The following ARSG variants were observed in gnomAD, a reference collection of about 807,000 sequenced individuals.
The protein encoded by ARSG is arylsulfatase G.
ARSG carries 37 observed loss-of-function variants against 50.5 expected under a neutral mutation model. That is an observed-to-expected ratio of 0.73 (90% CI 0.56 to 0.96). The LOEUF (loss-of-function observed/expected upper bound fraction) is 0.96. Among genes scored for constraint, ARSG ranks in the 50% least tolerant of loss-of-function variants. ARSG has a pLI of 0.00. For synonymous variants in ARSG, 225 were observed against 254.6 expected (o/e 0.88, Z 1.11); for missense variants, 629 against 675.3 (o/e 0.93, Z 0.76).
the ARSG span, chr17:68,428,500 C>T: frequency 3.7e-5 from 8 of 217,604 alleles, no homozygotes; most frequent in East Asian, 1.2e-4. Context: ...CCCAAAGTGC[C>T]GGGATTACAG....
chr17:68,263,012 T>C (rs1205160155), intron 1 of ARSG, among the ~76,000 whole-genome samples: 3 of 152,168 alleles, frequency 2.0e-5, no homozygotes, highest in Non-Finnish European at 4.4e-5. Flanking sequence ...AGCGTGCTTG[T>C]TCTTGAGTTG....
intron 1 of ARSG, among the ~76,000 whole-genome samples, chr17:68,295,068 C>G (rs1434592670): frequency 6.6e-5 from 10 of 152,172 alleles, no homozygotes; most frequent in Non-Finnish European, 1.5e-4. Flanking sequence ...GGCTCATGGT[C>G]AGGTTCCCTA....
intron 1 of ARSG, among the ~76,000 whole-genome samples, chr17:68,296,298 C>G (rs192753448): frequency 6.6e-6 from 1 of 152,152 alleles, no homozygotes; most frequent in East Asian, 1.9e-4. Context: ...TCCTCAAGGC[C>G]CAATGAATAA....
intron 9 of ARSG, among the ~76,000 whole-genome samples, chr17:68,385,840 C>T (rs564446609): frequency 1.6e-4 from 25 of 152,160 alleles, no homozygotes; most frequent in Non-Finnish European, 2.9e-4. Flanking sequence ...TGTGAGAAGC[C>T]GGCTAGTCTC....
In ARSG at chr17:68,395,282, G is replaced by T. The variant is rs1346472342; in HGVS notation, c.1212+89G>T. ...CTCTGTGCAGACAGAACCATCATCA[G>T]AAGATGGTCAAGAACAGGCTGCAGG... is the stretch of plus-strand genomic sequence containing the variant. On this transcript the variant is annotated intron_variant, in intron 10 of 11. Coordinates refer to ENST00000621439, the MANE Select transcript of ARSG (RefSeq NM_001267727.2). 2.6e-6 allele frequency: 4 copies of T among 1,564,722 alleles called. No homozygotes were observed. In the African/African-American group the frequency reaches 5.4e-5, roughly 21 times the overall value.
At chr17:68,278,222 G>A (rs782014041) in intron 1 of ARSG, 64 of 1,614,028 alleles carry the variant, frequency 4.0e-5, no homozygotes, top group Non-Finnish European at 4.7e-5. Flanking sequence ...AGACTTCAAC[G>A]AAGAAAAATG....
chr17:68,422,010 C>T, downstream of ARSG: 1 of 639,962 alleles, frequency 1.6e-6, no homozygotes, highest in Non-Finnish European at 2.8e-6. Flanking sequence ...AAGTATGACA[C>T]AGTTCTAGAA....
upstream of ARSG, chr17:68,291,174 T>A (rs143320275): frequency 3.3e-5 from 5 of 151,748 alleles, no homozygotes; most frequent in East Asian, 3.9e-4. Flanking sequence ...CTCGGTAACA[T>A]GAGAAAAGGA....
intron 2 of ARSG, among the ~76,000 whole-genome samples, chr17:68,308,010 A>G (rs1191614700): frequency 1.3e-5 from 2 of 152,138 alleles, no homozygotes; most frequent in Non-Finnish European, 2.9e-5. Context: ...ACAGGTTAAA[A>G]GGAAAGTAAG....
intron 11 of ARSG, among the ~76,000 whole-genome samples, chr17:68,417,733 A>T (rs1442445767): frequency 1.0e-3 from 61 of 60,830 alleles, no homozygotes; most frequent in Non-Finnish European, 1.4e-3. Flanking sequence ...GAGTTGCTGA[A>T]TTTTTTTTTT....
At chr17:68,389,419 G>C (rs2080887340) in intron 9 of ARSG, among the ~76,000 whole-genome samples, 1 of 152,092 alleles carries the variant, frequency 6.6e-6, no homozygotes, top group Non-Finnish European at 1.5e-5. Flanking sequence ...CATCAAATGT[G>C]AGCATAGGCT....
At chr17:68,372,856 G>T (rs557111318) in intron 8 of ARSG, among the ~76,000 whole-genome samples, 1 of 148,286 alleles carries the variant, frequency 6.7e-6, no homozygotes, top group Admixed American at 6.7e-5. Flanking sequence ...CCTCAATTCT[G>T]GTGCAGAGAA....
chr17:68,278,261 A>G (rs782456928), intron 1 of ARSG: 10 of 1,614,066 alleles, frequency 6.2e-6, no homozygotes, highest in South Asian at 5.5e-5. Flanking sequence ...CCCATCCTCC[A>G]TCAGGCACTT....
chr17:68,422,663 AG>A (rs1251924346), downstream of ARSG: 1 of 127,560 alleles, frequency 7.8e-6, no homozygotes, highest in Non-Finnish European at 1.6e-5. Context: ...TAGGAGGTGG[AG>A]GTTGCAGTGA....
At chr17:68,328,765 G>C (rs2077605196) in intron 2 of ARSG, among the ~76,000 whole-genome samples, 1 of 152,196 alleles carries the variant, frequency 6.6e-6, no homozygotes, top group African/African-American at 2.4e-5. Context: ...CTAGATGCTG[G>C]AGGGATGAAG....
chr17:68,313,078 G>A (rs1352205710), intron 2 of ARSG, among the ~76,000 whole-genome samples: 2 of 152,156 alleles, frequency 1.3e-5, no homozygotes, highest in East Asian at 1.9e-4. Context: ...TGGCTAACGT[G>A]GTGAAACGCT....
chr17:68,446,095 C>CTA, the ARSG span, among the ~76,000 whole-genome samples: 1 of 152,194 alleles, frequency 6.6e-6, no homozygotes, highest in African/African-American at 2.4e-5. Context: ...GCCTGCCCTG[C>CTA]TATTCCCCAA....
In ARSG at chr17:68,413,449, C is replaced by T. The variant is rs537179585; in HGVS notation, c.1304-6740C>T. Among the ~76,000 whole-genome samples the T allele has an allele frequency of 7.0e-3, 1,070 of 152,168 alleles. 21 individuals are homozygous for T. Among genetic ancestry groups the T allele is most frequent in the African/African-American group, 0.024 (1,016 of 41,532 alleles). ...AGGCTGCTCGGGGGTCAGGGACCCA[C>T]TTGAGGAGGCAGTCTGCCCGTTCTC... On this transcript the variant is annotated intron_variant, in intron 11 of 11. Coordinates refer to ENST00000621439, the MANE Select transcript of ARSG (RefSeq NM_001267727.2).
At chr17:68,278,443 ATATT>A (rs533229022) in intron 1 of ARSG, 178 of 636,454 alleles carry the variant, frequency 2.8e-4, no homozygotes, top group Middle Eastern at 3.9e-4. Context: ...AAGTTGTTGA[ATATT>A]TATTTATTTA....
Sources: gnomAD v4.1 joint callset for allele counts (sites outside exome capture counted in the v4.1 genomes callset) on GRCh38, gnomAD v4.1.1 for gene constraint, MANE v1.5 for transcripts, NCBI Gene and HGNC (gene_info 2026-07-23, HGNC 2026-07-21) for gene names.